CTNND2: variants seen among roughly 807,000 people sequenced by gnomAD.
The protein encoded by CTNND2 is catenin delta 2.
CTNND2 carries 22 observed loss-of-function variants against 144.4 expected under a neutral mutation model. That is an observed-to-expected ratio of 0.15 (90% CI 0.11 to 0.22). CTNND2 has a LOEUF of 0.22. Ranked by LOEUF, CTNND2 falls within the 10% of genes least tolerant of loss-of-function variation. The probability of loss-of-function intolerance (pLI) is 1.00; values close to 1 mark genes in which losing one functional copy is unlikely to be tolerated. For missense variants in CTNND2, 1,353 were observed against 1,618.8 expected, an observed-to-expected ratio of 0.84 and a Z score of 2.82; for synonymous variants, 751 against 695.6, an observed-to-expected ratio of 1.08 and a Z score of -1.25.
intron 5 of CTNND2, among the ~76,000 whole-genome samples, chr5:11,402,125 A>AAAC (rs1214463456): frequency 2.0e-5 from 3 of 152,122 alleles, no homozygotes; most frequent in African/African-American, 7.2e-5. Context: ...GCATGCAATA[A>AAAC]AACAACAACA....
At chr5:11,397,345 A>G in intron 5 of CTNND2, 142 bp from the exon 6 acceptor site, 1 of 646,266 alleles carries the variant, frequency 1.5e-6, no homozygotes, top group Non-Finnish European at 2.4e-6. Flanking sequence ...AACTAAAATG[A>G]CCATATAATT....
intron 2 of CTNND2, among the ~76,000 whole-genome samples, chr5:11,703,520 C>G (rs1785549048): frequency 6.6e-6 from 1 of 152,202 alleles, no homozygotes; most frequent in African/African-American, 2.4e-5. Flanking sequence ...TGCAGAGTTA[C>G]ACCTTCTGCC....
chr5:11,157,351 T>A (rs1758316872), intron 12 of CTNND2, among the ~76,000 whole-genome samples: 1 of 152,194 alleles, frequency 6.6e-6, no homozygotes, highest in African/African-American at 2.4e-5. Flanking sequence ...CAATCTCACC[T>A]GACTCTTCAA....
intron 3 of CTNND2, among the ~76,000 whole-genome samples, chr5:11,483,160 T>C (rs1479854668): frequency 6.6e-6 from 1 of 152,120 alleles, no homozygotes; most frequent in African/African-American, 2.4e-5. Flanking sequence ...GAATTCTGGG[T>C]AATTTTTGAT....
chr5:11,118,969 C>G (rs1339279468), intron 12 of CTNND2, among the ~76,000 whole-genome samples: 1 of 152,082 alleles, frequency 6.6e-6, no homozygotes, highest in South Asian at 2.1e-4. Context: ...CCTCCCCCTT[C>G]ACACTCTCTT....
intron 3 of CTNND2, among the ~76,000 whole-genome samples, chr5:11,488,067 T>G (rs1769004730): frequency 6.6e-6 from 1 of 152,182 alleles, no homozygotes; most frequent in Non-Finnish European, 1.5e-5. Flanking sequence ...TGGTGGCAAT[T>G]TGCGCAGCTA....
intron 2 of CTNND2, among the ~76,000 whole-genome samples, chr5:11,719,787 GGAC>G (rs1786554665): frequency 6.7e-6 from 1 of 148,858 alleles, no homozygotes; most frequent in South Asian, 2.1e-4. Flanking sequence ...CTAACATCTA[GGAC>G]TTCGCTACTT....
intron 11 of CTNND2, among the ~76,000 whole-genome samples, chr5:11,177,967 CTTG>C: frequency 1.3e-5 from 2 of 152,164 alleles, no homozygotes; most frequent in South Asian, 2.1e-4. Context: ...TAAGATGATA[CTTG>C]TTGGTTCCTG....
chr5:11,424,630 C>T lies in CTNND2; in HGVS notation c.288-12561G>A, dbSNP rs12655419. 9.4e-3 allele frequency among the ~76,000 whole-genome samples: 1,430 copies of T among 151,660 alleles called. 54 individuals are homozygous for T. The East Asian group carries it at 0.11, about 11-fold the overall frequency. The stretch of plus-strand genomic sequence containing the variant: ...CGTGTGTGTGTGTGTGTATGTTTGG[C>T]ATGTCATAAAAATCTATAGTTATTT... On this transcript the variant is annotated intron_variant, in intron 3 of 21. Transcript: ENST00000304623.
intron 11 of CTNND2, among the ~76,000 whole-genome samples, chr5:11,163,063 T>TA (rs1213546461): frequency 6.6e-6 from 1 of 152,198 alleles, no homozygotes; most frequent in Admixed American, 6.5e-5. Context: ...CATAGTGGTT[T>TA]AAAATATGTC....
At chr5:11,857,026 T>G (rs975005128) in intron 1 of CTNND2, among the ~76,000 whole-genome samples, 1 of 152,216 alleles carries the variant, frequency 6.6e-6, no homozygotes, top group African/African-American at 2.4e-5. Flanking sequence ...TATAAGACCA[T>G]GCATTTAAAA....
At chr5:11,510,875 G>A (rs1771572677) in intron 3 of CTNND2, among the ~76,000 whole-genome samples, 1 of 151,596 alleles carries the variant, frequency 6.6e-6, no homozygotes, top group Non-Finnish European at 1.5e-5. Flanking sequence ...AGGTTGCAGT[G>A]AGCCGAGATT....
intron 1 of CTNND2, among the ~76,000 whole-genome samples, chr5:11,762,324 C>G (rs184119609): frequency 6.6e-6 from 1 of 152,188 alleles, no homozygotes; most frequent in East Asian, 1.9e-4. Flanking sequence ...AGGTCATACC[C>G]TGAGTCTTTA....
intron 10 of CTNND2, among the ~76,000 whole-genome samples, chr5:11,233,882 T>A (rs67474220): frequency 0.087 from 13,167 of 152,216 alleles, 767 homozygotes; most frequent in South Asian, 0.15. Context: ...CTTACTAACT[T>A]CAATCTCATT....
intron 3 of CTNND2, among the ~76,000 whole-genome samples, chr5:11,518,589 G>A (rs1772410889): frequency 6.6e-6 from 1 of 152,136 alleles, no homozygotes; most frequent in Non-Finnish European, 1.5e-5. Context: ...AGTCCTGCAA[G>A]CCCTGCATGG....
intron 2 of CTNND2, among the ~76,000 whole-genome samples, chr5:11,574,509 A>T (rs1322638848): frequency 6.6e-6 from 1 of 152,164 alleles, no homozygotes; most frequent in Non-Finnish European, 1.5e-5. Context: ...CAAAAATAAT[A>T]GCACAAATTT....
chr5:11,537,249 T>G (rs1774290579), intron 3 of CTNND2, among the ~76,000 whole-genome samples: 1 of 152,196 alleles, frequency 6.6e-6, no homozygotes, highest in South Asian at 2.1e-4. Context: ...CTCACAGCTA[T>G]AAAGCACCAC....
At chr5:11,172,680 C>A (rs879282608) in intron 11 of CTNND2, among the ~76,000 whole-genome samples, 2 of 152,106 alleles carry the variant, frequency 1.3e-5, no homozygotes, top group Admixed American at 6.5e-5. Context: ...ATGGAGAGCG[C>A]CAATGGGGAG....
chr5:11,295,554 G>A (rs1387592762), intron 9 of CTNND2, among the ~76,000 whole-genome samples: 1 of 152,186 alleles, frequency 6.6e-6, no homozygotes, highest in East Asian at 1.9e-4. Context: ...AACAAAGCTG[G>A]AGGCATCACG....
Sources: allele counts gnomAD v4.1 joint callset (sites outside exome capture counted in the v4.1 genomes callset), GRCh38; gene constraint gnomAD v4.1.1; transcripts MANE v1.5; gene names NCBI Gene and HGNC (gene_info 2026-07-23, HGNC 2026-07-21).